Variants in CADPS2 observed in about 807,000 individuals in gnomAD.
The protein encoded by CADPS2 is calcium-dependent secretion activator 2.
A neutral mutation model predicts 172.5 loss-of-function variants in CADPS2; 93 were observed. That is an observed-to-expected ratio of 0.54 (90% CI 0.46 to 0.64). The LOEUF (loss-of-function observed/expected upper bound fraction) is 0.64. Among genes scored for constraint, CADPS2 ranks in the 30% least tolerant of loss-of-function variants. CADPS2 has a pLI of 0.00. For missense variants in CADPS2, 1,420 were observed against 1,565.9 expected (o/e 0.91, Z 1.57); for synonymous variants, 546 against 555.2 (o/e 0.98, Z 0.23).
chr7:122,673,865 G>A (rs1588313514), intron 2 of CADPS2, among the ~76,000 whole-genome samples: 2 of 151,726 alleles, frequency 1.3e-5, no homozygotes, highest in South Asian at 4.2e-4. Context: ...GGAGCAGGAG[G>A]TGGTGCCTGT....
chr7:122,338,213 G>A (rs62473069), intron 28 of CADPS2, among the ~76,000 whole-genome samples: 23,010 of 152,074 alleles, frequency 0.15, 1,787 homozygotes, highest in African/African-American at 0.16. Flanking sequence ...CCTGGGCAAC[G>A]TGGTGAAACC....
intron 1 of CADPS2, among the ~76,000 whole-genome samples, chr7:122,749,300 C>A (rs2092847580): frequency 6.6e-6 from 1 of 152,056 alleles, no homozygotes. Flanking sequence ...CCAGCCACCA[C>A]TGTATAATAA....
intron 11 of CADPS2, among the ~76,000 whole-genome samples, chr7:122,485,068 A>G (rs2057670161): frequency 6.6e-6 from 1 of 152,158 alleles, no homozygotes; most frequent in African/African-American, 2.4e-5. Flanking sequence ...AAACTTAATA[A>G]ATGTTATATG....
chr7:122,784,968 G>A lies in CADPS2; in HGVS notation c.340-47900C>T, dbSNP rs989929106. On this transcript the variant is annotated intron_variant, in intron 1 of 29. Coordinates refer to ENST00000449022, the MANE Select transcript of CADPS2 (RefSeq NM_017954.11). The stretch of plus-strand genomic sequence containing the variant: ...CAATTATTTTCATTTCAGGTCCCTG[G>A]AATCAAATCTCCAAGACTCTTATTT... Among the ~76,000 whole-genome samples the A allele has an allele frequency of 4.0e-4, 61 of 151,810 alleles. 1 individual carries two copies. The highest frequency in any genetic ancestry group is 1.0e-4 in the Non-Finnish European group (7 of 67,948).
chr7:122,850,253 G>T (rs1721347037), intron 1 of CADPS2: 2 of 986,778 alleles, frequency 2.0e-6, no homozygotes, highest in Non-Finnish European at 2.8e-6. Flanking sequence ...CCCAGCTCCT[G>T]CTCCACTGGG....
chr7:122,473,497 T>A (rs2056242396), intron 13 of CADPS2, among the ~76,000 whole-genome samples: 1 of 152,186 alleles, frequency 6.6e-6, no homozygotes, highest in South Asian at 2.1e-4. Flanking sequence ...ACCTTGTACA[T>A]ATAATGCAAA....
intron 1 of CADPS2, among the ~76,000 whole-genome samples, chr7:122,760,917 C>G (rs1016851284): frequency 6.6e-6 from 1 of 151,918 alleles, no homozygotes; most frequent in Non-Finnish European, 1.5e-5. Context: ...ACATATGTAA[C>G]TAACCTGCAC....
At chr7:122,831,339 C>A (rs183217547) in intron 1 of CADPS2, among the ~76,000 whole-genome samples, 1 of 152,280 alleles carries the variant, frequency 6.6e-6, no homozygotes, top group Admixed American at 6.5e-5. Flanking sequence ...TTTCGCTCAA[C>A]TGGAAATGTA....
chr7:122,681,249 G>C, intron 2 of CADPS2: 1 of 741,560 alleles, frequency 1.3e-6, no homozygotes, highest in Admixed American at 1.9e-5. Flanking sequence ...TGCACAATGT[G>C]CACATGTACC....
intron 28 of CADPS2, among the ~76,000 whole-genome samples, chr7:122,335,404 AC>A (rs1406588967): frequency 6.6e-6 from 1 of 152,086 alleles, no homozygotes; most frequent in Non-Finnish European, 1.5e-5. Flanking sequence ...ATGTGCCACC[AC>A]ACCCGGCTAC....
intron 1 of CADPS2, among the ~76,000 whole-genome samples, chr7:122,747,467 TCC>T (rs927122517): frequency 2.0e-5 from 3 of 152,112 alleles, no homozygotes; most frequent in African/African-American, 7.2e-5. Context: ...CAGTATGATA[TCC>T]CCTTGACTAC....
intron 1 of CADPS2, among the ~76,000 whole-genome samples, chr7:122,742,939 T>TGTTAAAAGAAAG (rs1273737440): frequency 6.6e-6 from 1 of 152,140 alleles, no homozygotes; most frequent in East Asian, 1.9e-4. Flanking sequence ...TTATATATAC[T>TGTTAAAAGAAAG]CCTTCAGTTT....
At position 122,407,629 on chromosome 7, in the gene CADPS2, T is replaced by C. The variant is rs2046811510; in HGVS notation, c.2657A>G (p.Asp886Gly). 6.2e-7 allele frequency: 1 copy of C among 1,612,044 alleles called. No individual in the cohort carries two copies. Among genetic ancestry groups the C allele is most frequent in the Non-Finnish European group, 8.5e-7 (1 of 1,178,912 alleles). The change falls in exon 20 of 30, where the codon GAT becomes GGT. Residue 886 changes from aspartate (D) to glycine (G), a missense_variant. Asp to Gly is a moderately conservative substitution (Grantham distance 94). Transcript: ENST00000449022. ...AEKFWALFTV[D>G]MDTALEAQPQ... is the part of the protein sequence containing the mutation. ...TTGAGCCTCTAGTGCAGTGTCCATATCCACTGTAAATAAAGCCCAAAATTT... is the reference window on the plus strand; with the variant it reads ...TTGAGCCTCTAGTGCAGTGTCCATACCCACTGTAAATAAAGCCCAAAATTT...
At chr7:122,587,775 T>C (rs1362137485) in intron 6 of CADPS2, among the ~76,000 whole-genome samples, 2 of 152,260 alleles carry the variant, frequency 1.3e-5, no homozygotes, top group African/African-American at 4.8e-5. Flanking sequence ...TCTAGGTCTT[T>C]GAGGAATCGC....
chr7:122,564,847 G>GCACGCA (rs1554626212), intron 7 of CADPS2, among the ~76,000 whole-genome samples: 3 of 145,420 alleles, frequency 2.1e-5, no homozygotes, highest in Admixed American at 1.4e-4. Flanking sequence ...ACACACACAT[G>GCACGCA]CACACACACA....
intron 1 of CADPS2, among the ~76,000 whole-genome samples, chr7:122,836,138 G>GA (rs1808341589): frequency 6.6e-6 from 1 of 152,136 alleles, no homozygotes; most frequent in Admixed American, 6.5e-5. Context: ...CATTCTTAAA[G>GA]AAAACAATTT....
chr7:122,426,890 T>C (rs1363558621), intron 17 of CADPS2, among the ~76,000 whole-genome samples: 4 of 152,186 alleles, frequency 2.6e-5, no homozygotes, highest in African/African-American at 2.4e-5. Flanking sequence ...CCATTCTATA[T>C]AAAAGTAAAA....
intron 15 of CADPS2, 53 bp from the exon 16 acceptor site, chr7:122,441,628 G>T: frequency 9.0e-7 from 1 of 1,110,344 alleles, no homozygotes; most frequent in Non-Finnish European, 1.3e-6. Flanking sequence ...ACCCAAGACT[G>T]CTAAATAATT....
At chr7:122,460,925 C>T (rs543273347) in intron 14 of CADPS2, among the ~76,000 whole-genome samples, 14 of 152,296 alleles carry the variant, frequency 9.2e-5, no homozygotes, top group African/African-American at 2.9e-4. Context: ...TGGCAAACTA[C>T]GGCCTTTCAT....
Sources: gnomAD v4.1 joint callset for allele counts (sites outside exome capture counted in the v4.1 genomes callset) on GRCh38, gnomAD v4.1.1 for gene constraint, MANE v1.5 for transcripts, NCBI Gene and HGNC (gene_info 2026-07-23, HGNC 2026-07-21) for gene names.